TRAPPC9: variants seen among roughly 807,000 people sequenced by gnomAD.
The protein encoded by TRAPPC9 is trafficking protein particle complex subunit 9.
TRAPPC9 carries 83 observed loss-of-function variants against 124.0 expected under a neutral mutation model. The ratio of observed to expected loss-of-function variants is 0.67; its 90% CI spans 0.56 to 0.80. The LOEUF (loss-of-function observed/expected upper bound fraction) is 0.80, where lower values mean the gene tolerates loss of function less well. Ranked by LOEUF, TRAPPC9 falls within the 30% of genes least tolerant of loss-of-function variation. The pLI is 0.00. For missense variants in TRAPPC9, 1,302 were observed against 1,508.3 expected (o/e 0.86, Z 2.27); for synonymous variants, 638 against 617.5 (o/e 1.03, Z -0.49).
intron 21 of TRAPPC9, among the ~76,000 whole-genome samples, chr8:139,761,288 C>A (rs545076046): frequency 7.3e-4 from 111 of 152,258 alleles, no homozygotes; most frequent in South Asian, 3.3e-3. Flanking sequence ...AGGGCAAGAG[C>A]ACAGGTGTGG....
chr8:140,002,118 A>G (rs1838440370), intron 18 of TRAPPC9, among the ~76,000 whole-genome samples: 1 of 152,126 alleles, frequency 6.6e-6, no homozygotes, highest in Non-Finnish European at 1.5e-5. Flanking sequence ...AAAACCAGAC[A>G]AAGACGGAAG....
At chr8:139,805,832 A>T (rs1032255124) in intron 21 of TRAPPC9, among the ~76,000 whole-genome samples, 9 of 152,190 alleles carry the variant, frequency 5.9e-5, no homozygotes, top group Non-Finnish European at 1.2e-4. Context: ...CTCATGATAC[A>T]CTTTAAAGTA....
rs956477488 is a variant in TRAPPC9 at position 139,932,590 on chromosome 8, C to T, written c.2811-22290G>A. 4.0e-5 allele frequency: 18 copies of T among 447,290 alleles called. No individual in the cohort carries two copies. In the East Asian group the frequency reaches 7.7e-4, roughly 19 times the overall value. 27.7% of individuals were successfully genotyped at this position (447,290 alleles called of 1,614,324 possible). On this transcript the variant is annotated intron_variant, in intron 19 of 22. Transcript: ENST00000438773. Reference sequence around the variant, plus strand: ...CCAGCCTGGACAACATGGTGAAACCCGTCTCTACTAATTTACAAAAAAAAT... The same window carrying T: ...CCAGCCTGGACAACATGGTGAAACCTGTCTCTACTAATTTACAAAAAAAAT...
intron 17 of TRAPPC9, among the ~76,000 whole-genome samples, chr8:140,109,594 A>T (rs1034549855): frequency 1.3e-5 from 2 of 152,172 alleles, no homozygotes; most frequent in Non-Finnish European, 2.9e-5. Context: ...ATAAGAAAAA[A>T]ATATATATGA....
At chr8:139,948,416 C>T (rs548211376) in intron 19 of TRAPPC9, among the ~76,000 whole-genome samples, 21 of 152,212 alleles carry the variant, frequency 1.4e-4, no homozygotes, top group African/African-American at 4.8e-4. Flanking sequence ...TCCCAGGGAG[C>T]GCAGACAGCA....
intron 20 of TRAPPC9, chr8:139,904,634 T>C (rs1407492657): frequency 6.6e-6 from 1 of 152,238 alleles, no homozygotes; most frequent in Non-Finnish European, 1.5e-5. Flanking sequence ...GTTATTGAAC[T>C]TCCAAAATTT....
At chr8:140,423,005 T>C in intron 5 of TRAPPC9, among the ~76,000 whole-genome samples, 1 of 152,142 alleles carries the variant, frequency 6.6e-6, no homozygotes, top group East Asian at 1.9e-4. Flanking sequence ...GCAGAGAAAT[T>C]AGAACTTGCA....
At chr8:140,088,634 AT>A (rs1360649779) in intron 17 of TRAPPC9, among the ~76,000 whole-genome samples, 1 of 152,242 alleles carries the variant, frequency 6.6e-6, no homozygotes, top group Non-Finnish European at 1.5e-5. Flanking sequence ...CTCATCAGTA[AT>A]TTGAAAATGT....
chr8:140,168,890 T>C (rs531382424), intron 17 of TRAPPC9, among the ~76,000 whole-genome samples: 1 of 152,356 alleles, frequency 6.6e-6, no homozygotes, highest in African/African-American at 2.4e-5. Context: ...GTAAGTTCTA[T>C]GGGGAGATGC....
At chr8:140,424,955 G>C (rs1009646366) in intron 5 of TRAPPC9, among the ~76,000 whole-genome samples, 1 of 152,202 alleles carries the variant, frequency 6.6e-6, no homozygotes, top group African/African-American at 2.4e-5. Context: ...AGCTTCACAT[G>C]AATGGGTTTT....
intron 17 of TRAPPC9, among the ~76,000 whole-genome samples, chr8:140,089,851 G>A (rs955504632): frequency 2.6e-4 from 40 of 152,004 alleles, no homozygotes; most frequent in Non-Finnish European, 1.9e-4. Flanking sequence ...AGGCCGAGGC[G>A]GGCATATCAC....
chr8:140,358,799 C>T (rs113585758), intron 9 of TRAPPC9, among the ~76,000 whole-genome samples: 1 of 152,270 alleles, frequency 6.6e-6, no homozygotes, highest in African/African-American at 2.4e-5. Context: ...AGGAGAGGCC[C>T]GTTCCCCAGG....
Position 140,252,822 on chromosome 8 carries a change from G to C in TRAPPC9, c.2386C>G (p.Leu796Val), listed in dbSNP as rs751386229. ...AGATTCTCCTGGCAGGAGAAATCCA[G>C]CTTCACTTTGATGTTGATTGTGAAC... Reference protein sequence around the residue: ...ATFTINIKVKLDFSCQENLLQ... With the variant: ...ATFTINIKVKVDFSCQENLLQ... Residue 796 changes from leucine (L) to valine (V), a missense_variant, in exon 16 of 23, where the codon CTG becomes GTG. By Grantham distance (32) the Leu-to-Val change is conservative (BLOSUM62 1). This residue lies in a region of TRAPPC9 where 640 missense variants were observed against 679.3 expected (regional missense o/e 0.94). Coordinates refer to ENST00000438773, the MANE Select transcript of TRAPPC9 (RefSeq NM_001160372.4). This position sits in a 1 kb window ranked among gnomAD's most constrained non-coding sequence, Gnocchi z 4.2. The C allele has an allele frequency of 6.2e-7, 1 of 1,614,128 alleles. No individual in the cohort carries two copies. The highest frequency in any genetic ancestry group is 1.1e-5 in the South Asian group (1 of 91,080).
At chr8:139,981,512 A>G (rs1352086978) in intron 19 of TRAPPC9, among the ~76,000 whole-genome samples, 1 of 152,248 alleles carries the variant, frequency 6.6e-6, no homozygotes, top group African/African-American at 2.4e-5. Context: ...ATAAGCCTCA[A>G]TAACAACCTG....
intron 19 of TRAPPC9, among the ~76,000 whole-genome samples, chr8:139,918,374 G>A (rs1216859821): frequency 2.0e-5 from 3 of 152,210 alleles, no homozygotes; most frequent in Non-Finnish European, 4.4e-5. Flanking sequence ...AAGAGCCCCC[G>A]ACCCTGCACT....
intron 19 of TRAPPC9, among the ~76,000 whole-genome samples, chr8:139,971,097 C>G (rs1294897730): frequency 6.6e-6 from 1 of 150,878 alleles, no homozygotes; most frequent in Non-Finnish European, 1.5e-5. Context: ...CAGGCCCAGC[C>G]ACTGCAACCC....
At chr8:139,878,894 G>GCA (rs1829501116) in intron 21 of TRAPPC9, among the ~76,000 whole-genome samples, 6 of 152,400 alleles carry the variant, frequency 3.9e-5, no homozygotes, top group South Asian at 4.1e-4. Flanking sequence ...AGAATGCAGT[G>GCA]AGCTATGATT....
intron 19 of TRAPPC9, among the ~76,000 whole-genome samples, chr8:139,919,974 C>T (rs937607667): frequency 2.0e-5 from 3 of 152,196 alleles, no homozygotes; most frequent in Non-Finnish European, 2.9e-5. Flanking sequence ...CTGTCTGTAA[C>T]GGTGGGTTTT....
chr8:139,930,378 G>A (rs537897651), intron 19 of TRAPPC9, among the ~76,000 whole-genome samples: 129 of 152,336 alleles, frequency 8.5e-4, no homozygotes, highest in Non-Finnish European at 1.3e-3. Context: ...CACGGTTCTC[G>A]CCAGTCAACT....
Sources: gnomAD v4.1 joint callset for allele counts (sites outside exome capture counted in the v4.1 genomes callset) on GRCh38, gnomAD v4.1.1 for gene constraint, gnomAD v4.1.1 regional missense constraint, Gnocchi (gnomAD v3.1) non-coding constraint, MANE v1.5 for transcripts, NCBI Gene and HGNC (gene_info 2026-07-23, HGNC 2026-07-21) for gene names.